KRT72: variants seen among roughly 807,000 people sequenced by gnomAD.
KRT72 encodes keratin 72, also known as keratin, type II cytoskeletal 72.
KRT72 carries 44 observed loss-of-function variants against 44.7 expected under a neutral mutation model. The observed-to-expected ratio is 0.98, with a 90% CI of 0.77 to 1.27. The LOEUF (loss-of-function observed/expected upper bound fraction) is 1.27, where lower values mean the gene tolerates loss of function less well. Among genes scored for constraint, KRT72 ranks in the 50% most tolerant of loss-of-function variants. The pLI is 0.00. For synonymous variants in KRT72, 302 were observed against 280.4 expected (o/e 1.08, Z -0.77); for missense variants, 736 against 667.1 (o/e 1.10, Z -1.14).
At chr12:52,595,087 A>G (rs186633837) in intron 2 of KRT72, among the ~76,000 whole-genome samples, 2 of 152,310 alleles carry the variant, frequency 1.3e-5, no homozygotes, top group African/African-American at 4.8e-5. Context: ...AGTAGTTTAT[A>G]TCTATTTCCT....
Position 52,585,776 on chromosome 12 carries a change from A to T in KRT72, c.*206T>A. Reference sequence around the variant, plus strand: ...TCAGGCAATGACCCAACGAAACGGGACCAAGAAGGAGGCCACTGAGAGAGC... The same window carrying T: ...TCAGGCAATGACCCAACGAAACGGGTCCAAGAAGGAGGCCACTGAGAGAGC... On this transcript the variant is annotated 3_prime_UTR_variant, in exon 9 of 9. Transcript: ENST00000293745. The T allele has an allele frequency of 1.8e-6, 1 of 561,898 alleles. No homozygotes were observed. The highest frequency in any genetic ancestry group is 2.9e-5 in the East Asian group (1 of 33,944). 34.8% of individuals were successfully genotyped at this position (561,898 alleles called of 1,614,324 possible). A position where few individuals can be genotyped will look rare whatever the true frequency, so the allele number is the denominator to read the frequency against.
Position 52,598,842 on chromosome 12 carries a change from G to A in KRT72, c.641+56C>T, listed in dbSNP as rs17116681. ...AGAAGCAAAAATGCCATCTCCAAAC[G>A]AAAACCTCATTTGAAATCAGATCCT... On this transcript the variant is annotated intron_variant, in intron 2 of 8. Coordinates refer to ENST00000293745, the MANE Select transcript of KRT72 (RefSeq NM_080747.3). 0.019 allele frequency: 29,679 copies of A among 1,552,616 alleles called. 3,458 individuals carry two copies. The East Asian group carries it at 0.27, about 14-fold the overall frequency.
Position 52,598,882 on chromosome 12 carries a change from C to T in KRT72, c.641+16G>A. 6.2e-7 allele frequency: 1 copy of T among 1,612,004 alleles called. No individual in the cohort carries two copies. The highest frequency in any genetic ancestry group is 8.5e-7 in the Non-Finnish European group (1 of 1,178,036). ...AATCAGATCCTCCAGGGCCATATTC[C>T]CTGCCACTCACTCACCTCTTCTTGT... On this transcript the variant is annotated intron_variant, in intron 2 of 8. Coordinates refer to ENST00000293745, the MANE Select transcript of KRT72 (RefSeq NM_080747.3).
chr12:52,591,555 T>C lies in KRT72; in HGVS notation c.872A>G (p.Asp291Gly). ...VLSMDNNRDL[D>G]LDSIIAEVRA... ...GACCTCGGCAATGATGCTGTCCAGG[T>C]CCAGATCCCGGTTGTTGTCCATTGA... Residue 291 changes from aspartate (D) to glycine (G), a missense_variant, in exon 5 of 9, where the codon GAC becomes GGC. Asp to Gly is a moderately conservative substitution (Grantham distance 94). Coordinates refer to ENST00000293745, the MANE Select transcript of KRT72 (RefSeq NM_080747.3). The C allele has an allele frequency of 1.2e-6, 2 of 1,614,034 alleles. No individual in the cohort carries two copies. The highest frequency in any genetic ancestry group is 1.7e-6 in the Non-Finnish European group (2 of 1,179,920).
intron 1 of KRT72, 79 bp downstream of exon 1, chr12:52,600,948 C>A: frequency 1.3e-6 from 2 of 1,515,702 alleles, no homozygotes. Context: ...CACGCTCCCA[C>A]ACAGCTCGCC....
At chr12:52,590,262 C>T (rs78269657) in intron 6 of KRT72, among the ~76,000 whole-genome samples, 32 of 152,340 alleles carry the variant, frequency 2.1e-4, no homozygotes, top group Middle Eastern at 6.8e-3. Flanking sequence ...GAAGGCCCCA[C>T]GCTAGTGCAG....
chr12:52,591,102 G>T, intron 5 of KRT72, 141 bp from the exon 6 acceptor site: 1 of 819,142 alleles, frequency 1.2e-6, no homozygotes, highest in Non-Finnish European at 1.8e-6. Context: ...GGCAGAGTGT[G>T]AATTTCCTAT....
chr12:52,601,410 C>G lies in KRT72; in HGVS notation c.43G>C (p.Gly15Arg). 3 of 1,540,586 alleles carry G rather than the reference C, an allele frequency of 1.9e-6. No individual in the cohort carries two copies. The African/African-American group carries it at 4.1e-5, about 21-fold the overall frequency. Residue 15 changes from glycine to arginine, a missense_variant, in exon 1 of 9, where the codon GGC becomes CGC. Coordinates refer to ENST00000293745, the MANE Select transcript of KRT72 (RefSeq NM_080747.3). ...LTHFPRGERL[G>R]FSGCSAVLSG... ...AGGACCGCGGAGCAACCGCTGAAGC[C>G]CAGGCGCTCCCCGCGGGGGAAATGG...
intron 6 of KRT72, among the ~76,000 whole-genome samples, chr12:52,589,862 C>T (rs1939929516): frequency 6.6e-6 from 1 of 152,210 alleles, no homozygotes. Context: ...TAGTAGAATA[C>T]TGAGGGTAGC....
chr12:52,587,117 A>T (rs1939790545), intron 7 of KRT72, 137 bp from the exon 8 acceptor site: 5 of 763,770 alleles, frequency 6.5e-6, no homozygotes, highest in South Asian at 4.6e-5. Flanking sequence ...CTTCCCACAC[A>T]TCCCAGTGCG....
chr12:52,601,204 C>T lies in KRT72; in HGVS notation c.249G>A (p.Gly83=), dbSNP rs1469976394. The change falls in exon 1 of 9, where the codon GGG becomes GGA. Residue 83 remains glycine (G), a synonymous_variant. Transcript: ENST00000293745. ...ACACGGAGGGACACTTGGGCCCCAG[C>T]CCGGCGCTGCCGAAGGCGGTGCCCA... ...GFVGTAFGSA[G]LGPKCPSVCP... is the part of the protein sequence containing the mutation. 1.9e-6 allele frequency: 3 copies of T among 1,610,670 alleles called. No individual in the cohort carries two copies. The highest frequency in any genetic ancestry group is 2.2e-5 in the East Asian group (1 of 44,746).
chr12:52,586,082 G>A lies in KRT72; in HGVS notation c.1436C>T (p.Ala479Val), dbSNP rs200730575. 8.7e-6 allele frequency: 14 copies of A among 1,614,090 alleles called. No individual in the cohort carries two copies. The highest frequency in any genetic ancestry group is 1.1e-5 in the Non-Finnish European group (13 of 1,180,050). ...ASSSYSYKTA[A>V]ADVKTKGSCG... Reference sequence around the variant, plus strand: ...GCTGCCTTTGGTCTTGACGTCTGCAGCTGCAGTTTTGTAGCTATAACTGCT... The same window carrying A: ...GCTGCCTTTGGTCTTGACGTCTGCAACTGCAGTTTTGTAGCTATAACTGCT... Residue 479 changes from alanine (A) to valine (V), a missense_variant, in exon 9 of 9, where the codon GCT (alanine) becomes GTT (valine). Coordinates refer to ENST00000293745, the MANE Select transcript of KRT72 (RefSeq NM_080747.3).
Position 52,587,701 on chromosome 12 carries a change from C to T in KRT72, c.1240G>A (p.Val414Met), listed in dbSNP as rs956755555. 5.6e-6 allele frequency: 9 copies of T among 1,614,064 alleles called. No individual in the cohort carries two copies. Among genetic ancestry groups the T allele is most frequent in the East Asian group, 4.5e-5 (2 of 44,878 alleles). ...ARMLREYQEL[V>M]SLKLALDMEI... The stretch of plus-strand genomic sequence containing the variant: ...ATATCCAGGGCCAGCTTCAGGCTCA[C>T]GAGCTCCTGGTACTCACGCAGCATC... The change falls in exon 7 of 9, where the codon GTG becomes ATG. Residue 414 changes from valine to methionine, a missense_variant. By Grantham distance (21) the Val-to-Met change is conservative (BLOSUM62 1). Coordinates refer to ENST00000293745, the MANE Select transcript of KRT72 (RefSeq NM_080747.3).
intron 6 of KRT72, among the ~76,000 whole-genome samples, chr12:52,589,450 A>T (rs1939911021): frequency 6.6e-6 from 1 of 152,092 alleles, no homozygotes; most frequent in Non-Finnish European, 1.5e-5. Context: ...TGTCACCTGA[A>T]CTCATCAAAC....
chr12:52,595,025 C>A (rs1208413990), intron 2 of KRT72, among the ~76,000 whole-genome samples: 1 of 151,734 alleles, frequency 6.6e-6, no homozygotes, highest in African/African-American at 2.4e-5. Context: ...TAATGTCTAC[C>A]CCCTCTTAAT....
chr12:52,586,826 C>A, intron 8 of KRT72, 120 bp downstream of exon 8: 1 of 946,060 alleles, frequency 1.1e-6, no homozygotes. Flanking sequence ...CTTCCTTTTT[C>A]CCTTAAGTCT....
intron 2 of KRT72, among the ~76,000 whole-genome samples, chr12:52,593,611 G>A (rs1940133360): frequency 6.6e-6 from 1 of 152,088 alleles, no homozygotes; most frequent in Non-Finnish European, 1.5e-5. Context: ...TAGAGCATTG[G>A]TAAGAAATAA....
chr12:52,601,495 G>A (rs1188315739), upstream of KRT72: 2 of 1,524,574 alleles, frequency 1.3e-6, no homozygotes, highest in East Asian at 2.5e-5. Context: ...GGCAGAAGGG[G>A]CGCAAACAGC....
At chr12:52,586,563 T>C (rs965002076) in intron 8 of KRT72, among the ~76,000 whole-genome samples, 1 of 152,234 alleles carries the variant, frequency 6.6e-6, no homozygotes, top group Non-Finnish European at 1.5e-5. Context: ...GCTGAGGACA[T>C]GCTCTCATTC....
Sources: gnomAD v4.1 joint callset for allele counts (sites outside exome capture counted in the v4.1 genomes callset) on GRCh38, gnomAD v4.1.1 for gene constraint, MANE v1.5 for transcripts, NCBI Gene and HGNC (gene_info 2026-07-23, HGNC 2026-07-21) for gene names.